The following PCDH15 variants were observed in gnomAD, a reference collection of about 807,000 sequenced individuals.
PCDH15 encodes the protein protocadherin-15.
Under a neutral mutation model 178.5 loss-of-function variants are expected in PCDH15, and 129 were observed. That is an observed-to-expected ratio of 0.72 (90% CI 0.63 to 0.84). PCDH15 has a LOEUF of 0.84. Among genes scored for constraint, PCDH15 ranks in the 40% least tolerant of loss-of-function variants. The probability of loss-of-function intolerance (pLI) is 0.00; values close to 1 mark genes in which losing one functional copy is unlikely to be tolerated. For missense variants in PCDH15, 2,230 were observed against 2,099.9 expected (o/e 1.06, Z -1.21); for synonymous variants, 800 against 732.0 (o/e 1.09, Z -1.50).
intron 23 of PCDH15, among the ~76,000 whole-genome samples, chr10:53,941,460 A>G (rs923539436): frequency 6.6e-6 from 1 of 152,114 alleles, no homozygotes; most frequent in Non-Finnish European, 1.5e-5. Context: ...TCACTTAGTA[A>G]TATGCATTTA....
Position 54,434,545 on chromosome 10 carries a change from A to G in PCDH15, c.158-55603T>C, listed in dbSNP as rs565599395. On this transcript the variant is annotated intron_variant, in intron 3 of 37. Transcript: ENST00000644397. Reference sequence around the variant, plus strand: ...AACATGCTGTGCAGACTTGTAGCCTAGGAGAAATAAGCTATACCATATAGC... The same window carrying G: ...AACATGCTGTGCAGACTTGTAGCCTGGGAGAAATAAGCTATACCATATAGC... Among the ~76,000 whole-genome samples, 8 of 152,354 alleles carry G rather than the reference A, an allele frequency of 5.3e-5. No individual in the cohort carries two copies. In the East Asian group the frequency reaches 1.2e-3, roughly 22 times the overall value.
At chr10:54,536,185 C>A (rs1372900046) in intron 2 of PCDH15, among the ~76,000 whole-genome samples, 1 of 152,146 alleles carries the variant, frequency 6.6e-6, no homozygotes, top group Non-Finnish European at 1.5e-5. Flanking sequence ...CATTTAACAC[C>A]TTGCTCACTC....
rs149040066 is a variant in PCDH15, at chr10:54,078,490, A to G, written c.2091+841T>C. The stretch of plus-strand genomic sequence containing the variant: ...AGATCATTTCAAGGAGCCAGGAGAT[A>G]TGTTGATATTTAAATTGAGTGAGCC... On this transcript the variant is annotated intron_variant, in intron 17 of 37. Coordinates refer to ENST00000644397, the MANE Select transcript of PCDH15 (RefSeq NM_001384140.1). 9.2e-3 allele frequency among the ~76,000 whole-genome samples: 1,397 copies of G among 152,164 alleles called. 17 individuals carry two copies. The highest frequency in any genetic ancestry group is 0.032 in the African/African-American group (1,327 of 41,542).
intron 20 of PCDH15, among the ~76,000 whole-genome samples, chr10:54,001,295 C>T (rs1420748264): frequency 3.4e-4 from 51 of 152,082 alleles, no homozygotes; most frequent in Admixed American, 3.3e-3. Context: ...AGTATTATAA[C>T]ACTGTAACTG....
At chr10:54,430,616 G>A (rs1589373143) in intron 3 of PCDH15, among the ~76,000 whole-genome samples, 1 of 151,938 alleles carries the variant, frequency 6.6e-6, no homozygotes, top group East Asian at 1.9e-4. Context: ...AACAAAAGCA[G>A]TACTGAGAGA....
chr10:54,950,737 C>T (rs139133759), intron 2 of PCDH15, among the ~76,000 whole-genome samples: 1,547 of 151,980 alleles, frequency 0.01, 22 homozygotes, highest in African/African-American at 0.035. Flanking sequence ...GGAAACCACT[C>T]CTATGATTCA....
intron 26 of PCDH15, among the ~76,000 whole-genome samples, chr10:53,895,367 TAA>T (rs1444426006): frequency 6.6e-6 from 1 of 152,218 alleles, no homozygotes; most frequent in Non-Finnish European, 1.5e-5. Flanking sequence ...CATTAAGTGT[TAA>T]GTCTTTTTTC....
chr10:54,912,014 C>G (rs1162506352), intron 2 of PCDH15, among the ~76,000 whole-genome samples: 1 of 152,032 alleles, frequency 6.6e-6, no homozygotes, highest in Non-Finnish European at 1.5e-5. Context: ...ATTATTATTT[C>G]TATTGGTGTA....
At chr10:54,665,688 C>T (rs2094560359) in intron 1 of PCDH15, among the ~76,000 whole-genome samples, 1 of 152,004 alleles carries the variant, frequency 6.6e-6, no homozygotes, top group Non-Finnish European at 1.5e-5. Flanking sequence ...AGATCACACA[C>T]ATTTTAATAT....
chr10:55,523,769 A>G lies in PCDH15; in HGVS notation c.-156+103856T>C, dbSNP rs188146460. ...AATGCTAATCAAGGTAGAAAAGTTG[A>G]TTAACATTGCTTAAGGCCAACATCT... On this transcript the variant is annotated intron_variant, in intron 2 of 5. Transcript: ENST00000613346. Among the ~76,000 whole-genome samples the G allele has an allele frequency of 9.2e-5, 14 of 151,782 alleles. No individual in the cohort carries two copies. In the East Asian group the frequency reaches 2.5e-3, roughly 27 times the overall value.
chr10:55,570,106 T>C (rs1330858085), intron 2 of PCDH15, among the ~76,000 whole-genome samples: 1 of 151,996 alleles, frequency 6.6e-6, no homozygotes, highest in Admixed American at 6.6e-5. Flanking sequence ...GTTAGTTGAA[T>C]TGTTTACACC....
chr10:55,603,628 C>T (rs1439903081), intron 2 of PCDH15, among the ~76,000 whole-genome samples: 5 of 151,150 alleles, frequency 3.3e-5, no homozygotes, highest in East Asian at 1.9e-4. Flanking sequence ...CCCAGAATTT[C>T]ATATCCAGCC....
chr10:54,740,878 A>G (rs1944707914), intron 1 of PCDH15, among the ~76,000 whole-genome samples: 1 of 151,982 alleles, frequency 6.6e-6, no homozygotes, highest in Admixed American at 6.6e-5. Flanking sequence ...AGGGTAGGGT[A>G]GAGGATGGAT....
At chr10:55,202,981 AGT>A (rs948371340) in intron 1 of PCDH15, among the ~76,000 whole-genome samples, 35 of 152,270 alleles carry the variant, frequency 2.3e-4, no homozygotes, top group African/African-American at 6.5e-4. Context: ...ATTTTATAGC[AGT>A]GTGAAAACAC....
chr10:53,854,466 G>A (rs919758287), intron 28 of PCDH15, among the ~76,000 whole-genome samples: 6 of 151,868 alleles, frequency 4.0e-5, no homozygotes, highest in African/African-American at 1.2e-4. Context: ...TAATAAACTC[G>A]CAGATTTATA....
chr10:55,550,016 T>C (rs950590978), intron 2 of PCDH15, among the ~76,000 whole-genome samples: 1 of 152,112 alleles, frequency 6.6e-6, no homozygotes, highest in African/African-American at 2.4e-5. Flanking sequence ...TTTTCACCCA[T>C]CTTCTCTTTG....
chr10:54,074,709 A>C (rs2135902307), intron 17 of PCDH15, among the ~76,000 whole-genome samples: 1 of 152,232 alleles, frequency 6.6e-6, no homozygotes, highest in African/African-American at 2.4e-5. Flanking sequence ...TTGATATATA[A>C]ATGAAAGTGT....
intron 1 of PCDH15, among the ~76,000 whole-genome samples, chr10:54,786,238 G>A (rs1387587002): frequency 3.9e-5 from 6 of 152,042 alleles, no homozygotes; most frequent in Admixed American, 6.6e-5. Context: ...AATATCATCT[G>A]AGGAGTCCAT....
intron 13 of PCDH15, among the ~76,000 whole-genome samples, chr10:54,176,647 C>A (rs1336135636): frequency 6.6e-6 from 1 of 152,096 alleles, no homozygotes; most frequent in Admixed American, 6.6e-5. Flanking sequence ...TTCTTCCTTC[C>A]ATTGGTAGGT....
Sources: allele counts gnomAD v4.1 joint callset (sites outside exome capture counted in the v4.1 genomes callset), GRCh38; gene constraint gnomAD v4.1.1; transcripts MANE v1.5; gene names NCBI Gene and HGNC (gene_info 2026-07-23, HGNC 2026-07-21).